Variants in ATP6V0D1 observed in about 807,000 individuals in gnomAD.
ATP6V0D1 encodes the protein ATPase H+ transporting V0 subunit d1.
Under a neutral mutation model 39.0 loss-of-function variants are expected in ATP6V0D1, and 13 were observed. The observed-to-expected ratio is 0.33, with a 90% CI of 0.22 to 0.53. ATP6V0D1 has a LOEUF of 0.53. Ranked by LOEUF, ATP6V0D1 falls within the 20% of genes least tolerant of loss-of-function variation. ATP6V0D1 has a pLI of 0.94. For missense variants in ATP6V0D1, 272 were observed against 470.9 expected (o/e 0.58, Z 3.91); for synonymous variants, 191 against 191.2 (o/e 1.00, Z 0.01).
At chr16:67,468,071 TG>T (rs1026167560) in intron 1 of ATP6V0D1, among the ~76,000 whole-genome samples, 9 of 152,118 alleles carry the variant, frequency 5.9e-5, no homozygotes, top group African/African-American at 2.2e-4. Context: ...CTATGTTCAG[TG>T]TATGCCACTT....
At chr16:67,468,052 G>A (rs993294791) in intron 1 of ATP6V0D1, among the ~76,000 whole-genome samples, 1 of 152,202 alleles carries the variant, frequency 6.6e-6, no homozygotes, top group East Asian at 1.9e-4. Context: ...TAATGCAGGA[G>A]AGACTCTGCT....
chr16:67,445,215 GAA>G (rs2041101086), intron 2 of ATP6V0D1, among the ~76,000 whole-genome samples: 1 of 152,216 alleles, frequency 6.6e-6, no homozygotes, highest in Non-Finnish European at 1.5e-5. Flanking sequence ...CAGAGGGAGA[GAA>G]AGGCGCAGCA....
Position 67,444,752 on chromosome 16 carries a change from G to T in ATP6V0D1, c.303-46C>A, listed in dbSNP as rs770936308. The T allele has an allele frequency of 6.6e-7, 1 of 1,511,544 alleles. No homozygotes were observed. The highest frequency in any genetic ancestry group is 1.9e-5 in the Admixed American group (1 of 51,936). The allele number at this position is 1,511,544 out of a possible 1,614,324, so 93.6% of individuals were successfully genotyped here. A position where few individuals can be genotyped will look rare whatever the true frequency, so the allele number is the denominator to read the frequency against. On this transcript the variant is annotated intron_variant, in intron 2 of 7. Coordinates refer to ENST00000290949, the MANE Select transcript of ATP6V0D1 (RefSeq NM_004691.5). This position sits in a 1 kb window ranked among gnomAD's most constrained non-coding sequence, Gnocchi z 4.8. ...CAAGGAGCCCATCAAGGTGGGGGCC[G>T]GGAAGTCCTGGCATAGCACCATGCC... is the stretch of plus-strand genomic sequence containing the variant.
chr16:67,464,042 G>A (rs907702206), intron 1 of ATP6V0D1, among the ~76,000 whole-genome samples: 12 of 152,216 alleles, frequency 7.9e-5, no homozygotes, highest in African/African-American at 2.9e-4. Context: ...TAGTTTGAAG[G>A]TTAAAGGGTT....
chr16:67,480,344 G>A (rs1055718741), intron 1 of ATP6V0D1, among the ~76,000 whole-genome samples: 4 of 152,050 alleles, frequency 2.6e-5, no homozygotes, highest in African/African-American at 7.2e-5. Context: ...GGGATTAATT[G>A]GCCAAATACT....
intron 2 of ATP6V0D1, chr16:67,452,396 A>G: frequency 6.5e-7 from 1 of 1,535,532 alleles, no homozygotes; most frequent in Non-Finnish European, 8.7e-7. Flanking sequence ...GCACTTCTTG[A>G]GCAAGTGGAT....
intron 1 of ATP6V0D1, among the ~76,000 whole-genome samples, chr16:67,475,485 A>G (rs1219112108): frequency 3.3e-5 from 5 of 152,218 alleles, no homozygotes; most frequent in Non-Finnish European, 7.4e-5. Flanking sequence ...CCCTTCACCC[A>G]TGGCCTCCAA....
At chr16:67,474,195 T>G (rs550833458) in intron 1 of ATP6V0D1, among the ~76,000 whole-genome samples, 1 of 152,368 alleles carries the variant, frequency 6.6e-6, no homozygotes, top group East Asian at 1.9e-4. Flanking sequence ...CAGCAGGGAA[T>G]GACCACAGTG....
Position 67,444,978 on chromosome 16 carries a change from G to A in ATP6V0D1, c.303-272C>T, listed in dbSNP as rs1267319602. On this transcript the variant is annotated intron_variant, in intron 2 of 7. Transcript: ENST00000290949. This position sits in a 1 kb window ranked among gnomAD's most constrained non-coding sequence, Gnocchi z 4.8. ...CATGCCCTGTGAGGGACTGGGACACGAGCTAACTACCCCACAGCATGAACA... is the reference window on the plus strand; with the variant it reads ...CATGCCCTGTGAGGGACTGGGACACAAGCTAACTACCCCACAGCATGAACA... Among the ~76,000 whole-genome samples the A allele has an allele frequency of 1.3e-5, 2 of 152,140 alleles. No homozygotes were observed. The highest frequency in any genetic ancestry group is 2.4e-5 in the African/African-American group (1 of 41,416).
intron 4 of ATP6V0D1, chr16:67,440,094 A>C (rs1238520993): frequency 6.6e-6 from 1 of 152,254 alleles, no homozygotes; most frequent in East Asian, 1.9e-4. Flanking sequence ...GATGGCAGGG[A>C]CTGAGTGCCC....
intron 1 of ATP6V0D1, among the ~76,000 whole-genome samples, chr16:67,466,921 C>G (rs1177282573): frequency 1.3e-5 from 2 of 152,164 alleles, no homozygotes; most frequent in Admixed American, 1.3e-4. Flanking sequence ...TGAGTGAAGA[C>G]AAAGCCTTCA....
Position 67,444,686 on chromosome 16 carries a change from T to C in ATP6V0D1, c.323A>G (p.Asn108Ser), listed in dbSNP as rs758098890. 1.9e-6 allele frequency: 3 copies of C among 1,601,884 alleles called. No individual in the cohort carries two copies. The highest frequency in any genetic ancestry group is 2.6e-6 in the Non-Finnish European group (3 of 1,171,286). Residue 108 changes from asparagine to serine, a missense_variant, in exon 3 of 8, where the codon AAC becomes AGC. Around this residue, in one of 4 missense-constraint regions of ATP6V0D1, gnomAD observed 135 missense variants for 273.8 expected, o/e 0.49. Transcript: ENST00000290949. The surrounding 1 kb of genome is among the most constrained non-coding windows in gnomAD (Gnocchi z 4.8). The stretch of plus-strand genomic sequence containing the variant: ...CGTGCCTGTGATGAGCAGGATCACG[T>C]TGTCGATCATGTAACTGTAACTACA... Reference protein sequence around the residue: ...DFITYSYMIDNVILLITGTLH... With the variant: ...DFITYSYMIDSVILLITGTLH...
chr16:67,460,317 G>A (rs537118579), intron 1 of ATP6V0D1, among the ~76,000 whole-genome samples: 34 of 150,580 alleles, frequency 2.3e-4, no homozygotes, highest in Middle Eastern at 3.4e-3. Flanking sequence ...CCAACAAAGC[G>A]AGAGCTGCCC....
chr16:67,450,846 G>A (rs2041171935), intron 2 of ATP6V0D1, among the ~76,000 whole-genome samples: 1 of 152,208 alleles, frequency 6.6e-6, no homozygotes, highest in South Asian at 2.1e-4. Context: ...CAGAACATTG[G>A]TGGAAGGATC....
At position 67,477,916 on chromosome 16, in the gene ATP6V0D1, G is replaced by A. The variant is rs60336538; in HGVS notation, c.130+3041C>T. Among the ~76,000 whole-genome samples, 6 of 152,164 alleles carry A rather than the reference G, an allele frequency of 3.9e-5. No individual in the cohort carries two copies. In the South Asian group the frequency reaches 8.3e-4, roughly 21 times the overall value. ...GATCTCCTGACCTCATGATCCACCCGTCTCAGCCTCCCAAAGTGCTGGGAT... is the reference window on the plus strand; with the variant it reads ...GATCTCCTGACCTCATGATCCACCCATCTCAGCCTCCCAAAGTGCTGGGAT... On this transcript the variant is annotated intron_variant, in intron 1 of 7. Coordinates refer to ENST00000290949, the MANE Select transcript of ATP6V0D1 (RefSeq NM_004691.5).
rs2040996581 is a variant in ATP6V0D1 at position 67,438,134 on chromosome 16, C to T, written c.*394G>A. 1 of 242,282 alleles carries T rather than the reference C, an allele frequency of 4.1e-6. No individual in the cohort carries two copies. The highest frequency in any genetic ancestry group is 2.3e-5 in the African/African-American group (1 of 43,714). The allele number at this position is 242,282 out of a possible 1,614,324, so 15.0% of individuals were successfully genotyped here. On this transcript the variant is annotated 3_prime_UTR_variant, in exon 8 of 8. Coordinates refer to ENST00000290949, the MANE Select transcript of ATP6V0D1 (RefSeq NM_004691.5). ...CACACACTCTGTCCTTCCCATGGGC[C>T]ATGGCTCTGGGAGCGACCCACAGAA...
Position 67,456,317 on chromosome 16 carries a change from T to A in ATP6V0D1, c.131-2602A>T, listed in dbSNP as rs2041237688. ...AAGTCTTTTTAAGAGAAACATGGTT[T>A]ATTTGTACAAAACTGAGAGATTGTT... On this transcript the variant is annotated intron_variant, in intron 1 of 7. Coordinates refer to ENST00000290949, the MANE Select transcript of ATP6V0D1 (RefSeq NM_004691.5). The surrounding 1 kb of genome is among the most constrained non-coding windows in gnomAD (Gnocchi z 4.1). The A allele has an allele frequency of 6.6e-6, 1 of 152,228 alleles. No individual in the cohort carries two copies. Among genetic ancestry groups the A allele is most frequent in the Non-Finnish European group, 1.5e-5 (1 of 68,042 alleles). The allele number at this position is 152,228 out of a possible 1,614,324, so 9.4% of individuals were successfully genotyped here. A position where few individuals can be genotyped will look rare whatever the true frequency, so the allele number is the denominator to read the frequency against.
chr16:67,450,467 G>A (rs774805783), intron 2 of ATP6V0D1, among the ~76,000 whole-genome samples: 2 of 152,156 alleles, frequency 1.3e-5, no homozygotes, highest in South Asian at 2.1e-4. Flanking sequence ...GGGGCAGAGC[G>A]GAGAAGGGAG....
chr16:67,438,324 G>C lies in ATP6V0D1; in HGVS notation c.*204C>G. ...GGTCTTCGTCCATCCTTGGTGGGGG[G>C]GGGTGCCCAGCCCCTTTTCAGGCCT... On this transcript the variant is annotated 3_prime_UTR_variant, in exon 8 of 8. Transcript: ENST00000290949. The C allele has an allele frequency of 1.6e-6, 1 of 632,036 alleles. No homozygotes were observed. The highest frequency in any genetic ancestry group is 2.7e-6 in the Non-Finnish European group (1 of 372,016). The allele number at this position is 632,036 out of a possible 1,614,324, so 39.2% of individuals were successfully genotyped here.
Sources: allele counts gnomAD v4.1 joint callset (sites outside exome capture counted in the v4.1 genomes callset), GRCh38; gene constraint gnomAD v4.1.1; regional missense constraint gnomAD v4.1.1; non-coding constraint Gnocchi (gnomAD v3.1); transcripts MANE v1.5; gene names NCBI Gene and HGNC (gene_info 2026-07-23, HGNC 2026-07-21).